The following ANKS1B variants were observed in gnomAD, a reference collection of about 807,000 sequenced individuals.
ANKS1B encodes the protein ankyrin repeat and sterile alpha motif domain containing 1B.
In ANKS1B, 36 loss-of-function variants were observed where a neutral mutation model predicts 148.3. The ratio of observed to expected loss-of-function variants is 0.24; its 90% confidence interval spans 0.19 to 0.32. The LOEUF (loss-of-function observed/expected upper bound fraction) is 0.32, where lower values mean the gene tolerates loss of function less well. Ranked by LOEUF, ANKS1B falls within the 10% of genes least tolerant of loss-of-function variation. The pLI, the probability that ANKS1B is intolerant of heterozygous loss-of-function variation, is 1.00. For missense variants in ANKS1B, 1,157 were observed against 1,542.6 expected, an observed-to-expected ratio of 0.75 and a Z score of 4.19; for synonymous variants, 542 against 560.8, an observed-to-expected ratio of 0.97 and a Z score of 0.47.
chr12:99,805,841 G>C, intron 4 of ANKS1B, among the ~76,000 whole-genome samples: 1 of 151,998 alleles, frequency 6.6e-6, no homozygotes, highest in East Asian at 1.9e-4. Flanking sequence ...GTACATTACG[G>C]TGGAAAGAGG....
At chr12:99,025,450 A>G (rs1000274098) in intron 17 of ANKS1B, among the ~76,000 whole-genome samples, 1 of 152,220 alleles carries the variant, frequency 6.6e-6, no homozygotes, top group African/African-American at 2.4e-5. Flanking sequence ...ATCGTCATGA[A>G]TGAAATAGAA....
chr12:99,823,213 T>C (rs908599994), intron 2 of ANKS1B, among the ~76,000 whole-genome samples: 4 of 152,212 alleles, frequency 2.6e-5, no homozygotes, highest in Non-Finnish European at 5.9e-5. Flanking sequence ...ATGCATAGTT[T>C]ATGAATATTT....
chr12:99,572,724 C>T (rs1238495107), intron 9 of ANKS1B, among the ~76,000 whole-genome samples: 1 of 151,720 alleles, frequency 6.6e-6, no homozygotes, highest in East Asian at 1.9e-4. Context: ...GGTAGTAAGC[C>T]TAAAAATCCA....
At chr12:99,665,394 C>T (rs2098500990) in intron 8 of ANKS1B, among the ~76,000 whole-genome samples, 1 of 152,102 alleles carries the variant, frequency 6.6e-6, no homozygotes, top group South Asian at 2.1e-4. Flanking sequence ...GCCAGTGCTA[C>T]TAATGTGCTA....
chr12:99,884,674 T>C (rs1421753357), intron 1 of ANKS1B, among the ~76,000 whole-genome samples: 1 of 152,178 alleles, frequency 6.6e-6, no homozygotes, highest in East Asian at 1.9e-4. Flanking sequence ...TCCATTTATA[T>C]GACATTCTGG....
intron 17 of ANKS1B, among the ~76,000 whole-genome samples, chr12:98,935,721 C>T (rs948410957): frequency 1.3e-5 from 2 of 152,094 alleles, no homozygotes; most frequent in South Asian, 4.1e-4. Context: ...TAGATTCATA[C>T]CCTTTAACCT....
chr12:99,487,280 A>G (rs2096502840), intron 10 of ANKS1B, among the ~76,000 whole-genome samples: 1 of 152,200 alleles, frequency 6.6e-6, no homozygotes, highest in Non-Finnish European at 1.5e-5. Context: ...CAAATTTACT[A>G]TGTATTTGTG....
chr12:99,372,496 G>T (rs2093191325), intron 12 of ANKS1B, among the ~76,000 whole-genome samples: 1 of 152,048 alleles, frequency 6.6e-6, no homozygotes, highest in Non-Finnish European at 1.5e-5. Context: ...TTTATAAAGA[G>T]AAAATGTTCC....
chr12:99,552,484 A>G (rs1239704427), intron 9 of ANKS1B, among the ~76,000 whole-genome samples: 1 of 152,254 alleles, frequency 6.6e-6, no homozygotes, highest in Non-Finnish European at 1.5e-5. Flanking sequence ...TGTCTGACAC[A>G]TAAAACTCTC....
At chr12:99,374,817 T>A (rs73151125) in intron 12 of ANKS1B, among the ~76,000 whole-genome samples, 18,931 of 152,248 alleles carry the variant, frequency 0.12, 1,240 homozygotes, top group African/African-American at 0.17. Flanking sequence ...GGTTTCAATG[T>A]GAATTTGTTT....
At chr12:98,781,467 A>G (rs1229487700) in intron 23 of ANKS1B, 1 of 560,930 alleles carries the variant, frequency 1.8e-6, no homozygotes. Flanking sequence ...TTGTTCCGCT[A>G]CTTTGTGTGG....
In ANKS1B at chr12:99,324,149, T is replaced by C. The variant is rs79589790; in HGVS notation, c.1756+75482A>G. Among the ~76,000 whole-genome samples the C allele has an allele frequency of 3.5e-3, 532 of 152,318 alleles. 32 individuals are homozygous for C. The East Asian group carries it at 0.084, about 24-fold the overall frequency. On this transcript the variant is annotated intron_variant, in intron 12 of 26. Transcript: ENST00000683438. Reference sequence around the variant, plus strand: ...TATTTTTGTGTGTACATTAATTACATGGACATTAATTTTTTAAGTCCATCC... The same window carrying C: ...TATTTTTGTGTGTACATTAATTACACGGACATTAATTTTTTAAGTCCATCC...
chr12:99,223,563 A>G (rs1181148632), intron 14 of ANKS1B, among the ~76,000 whole-genome samples: 1 of 152,016 alleles, frequency 6.6e-6, no homozygotes, highest in African/African-American at 2.4e-5. Context: ...TCGCACTCCT[A>G]TGAGAATCTA....
chr12:98,972,179 CAAA>C (rs529349845), intron 17 of ANKS1B, among the ~76,000 whole-genome samples: 4 of 145,796 alleles, frequency 2.7e-5, no homozygotes, highest in East Asian at 3.9e-4. Flanking sequence ...AACTAACAAA[CAAA>C]AAATTTCACA....
intron 12 of ANKS1B, among the ~76,000 whole-genome samples, chr12:99,342,252 A>C (rs55776753): frequency 0.16 from 25,061 of 152,010 alleles, 2,636 homozygotes; most frequent in African/African-American, 0.3. Flanking sequence ...GCAGGCAAAG[A>C]AAGATTTCCT....
chr12:98,941,482 C>T (rs1429870069), intron 17 of ANKS1B, among the ~76,000 whole-genome samples: 1 of 152,236 alleles, frequency 6.6e-6, no homozygotes, highest in Non-Finnish European at 1.5e-5. Context: ...GGCATGTATG[C>T]ATCAGCCAAC....
rs372660340 is a variant in ANKS1B, at chr12:99,425,997, C to T, written c.1575+17676G>A. Among the ~76,000 whole-genome samples, 15 of 152,082 alleles carry T rather than the reference C, an allele frequency of 9.9e-5. No homozygotes were observed. The South Asian group carries it at 2.7e-3, about 27-fold the overall frequency. ...ATGTTTGTATCTGTAAGATTATGTT[C>T]GAAATATTGACAGTGTGTGTCTCTA... On this transcript the variant is annotated intron_variant, in intron 11 of 26. Coordinates refer to ENST00000683438, the MANE Select transcript of ANKS1B (RefSeq NM_001352186.2).
chr12:99,032,562 A>G (rs1357193813), intron 17 of ANKS1B, among the ~76,000 whole-genome samples: 1 of 152,116 alleles, frequency 6.6e-6, no homozygotes, highest in Non-Finnish European at 1.5e-5. Context: ...CTTAGGGCCT[A>G]TCCTGTTAAT....
chr12:99,055,721 T>TGGG (rs556077612), intron 16 of ANKS1B, among the ~76,000 whole-genome samples: 1 of 61,216 alleles, frequency 1.6e-5, no homozygotes, highest in African/African-American at 5.6e-5. Flanking sequence ...AGTCTAAACT[T>TGGG]GGGGGGGGGG....
Sources: gnomAD v4.1 joint callset for allele counts (sites outside exome capture counted in the v4.1 genomes callset) on GRCh38, gnomAD v4.1.1 for gene constraint, MANE v1.5 for transcripts, NCBI Gene and HGNC (gene_info 2026-07-23, HGNC 2026-07-21) for gene names.